ZZEF1: variants seen among roughly 807,000 people sequenced by gnomAD.
ZZEF1 encodes zinc finger ZZ-type and EF-hand domain containing 1, also known as zinc finger ZZ-type and EF-hand domain-containing protein 1.
In ZZEF1, 157 loss-of-function variants were observed where a neutral mutation model predicts 342.8. The ratio of observed to expected loss-of-function variants is 0.46; its 90% CI spans 0.40 to 0.52. The LOEUF (loss-of-function observed/expected upper bound fraction) is 0.52, where lower values mean the gene tolerates loss of function less well. ZZEF1 is among the 20% of genes least tolerant of loss of function. The pLI, the probability that ZZEF1 is intolerant of heterozygous loss-of-function variation, is 0.00. For synonymous variants in ZZEF1, 1,505 were observed against 1,429.1 expected (o/e 1.05, Z -1.20); for missense variants, 3,480 against 3,725.6 (o/e 0.93, Z 1.72).
At chr17:4,035,594 G>A (rs2056642674) in intron 39 of ZZEF1, among the ~76,000 whole-genome samples, 1 of 152,214 alleles carries the variant, frequency 6.6e-6, no homozygotes, top group South Asian at 2.1e-4. Context: ...GGCTCCGAGT[G>A]AGGTGAGGAG....
Position 4,142,924 on chromosome 17 carries a change from G to GCAGCCGCCGCCGCCGCCTCCC in ZZEF1, c.-50_-30dup, listed in dbSNP as rs780599502. The GCAGCCGCCGCCGCCGCCTCCC allele has an allele frequency of 5.9e-5, 77 of 1,304,140 alleles. No homozygotes were observed. In the South Asian group the frequency reaches 1.7e-3, roughly 28 times the overall value. 80.8% of individuals were successfully genotyped at this position (1,304,140 alleles called of 1,614,324 possible). A position where few individuals can be genotyped will look rare whatever the true frequency, so the allele number is the denominator to read the frequency against. Reference sequence around the variant, plus strand: ...GTCTCCGTCTTGGGCGCCTGGCTCTGCAGCCGCCGCCGCCGCCTCCCCGCC... The same window carrying GCAGCCGCCGCCGCCGCCTCCC: ...GTCTCCGTCTTGGGCGCCTGGCTCTGCAGCCGCCGCCGCCGCCTCCCCAGCCGCCGCCGCCGCCTCCCCGCC... On this transcript the variant is annotated 5_prime_UTR_variant, in exon 1 of 55. Coordinates refer to ENST00000381638, the MANE Select transcript of ZZEF1 (RefSeq NM_015113.4).
intron 10 of ZZEF1, among the ~76,000 whole-genome samples, 153 bp downstream of exon 10, chr17:4,096,456 T>A (rs2058034829): frequency 6.6e-6 from 1 of 152,196 alleles, no homozygotes; most frequent in Non-Finnish European, 1.5e-5. Flanking sequence ...AGGGGATGAA[T>A]AGCTCATCCT....
intron 39 of ZZEF1, among the ~76,000 whole-genome samples, chr17:4,042,018 A>T (rs142519391): frequency 9.5e-4 from 144 of 152,304 alleles, no homozygotes; most frequent in Admixed American, 2.5e-3. Context: ...AGGAGAATGT[A>T]CTTTAAGGAG....
intron 32 of ZZEF1, among the ~76,000 whole-genome samples, chr17:4,057,122 C>T (rs2057178149): frequency 6.6e-6 from 1 of 152,200 alleles, no homozygotes; most frequent in Non-Finnish European, 1.5e-5. Context: ...CTCGGTGCCA[C>T]GGGGGCTTGC....
Position 4,017,846 on chromosome 17 carries a change from A to C in ZZEF1, c.7631T>G (p.Leu2544Arg). 1 of 1,614,202 alleles carries C rather than the reference A, an allele frequency of 6.2e-7. No homozygotes were observed. The highest frequency in any genetic ancestry group is 8.5e-7 in the Non-Finnish European group (1 of 1,180,042). ...GGTCGGGTGACATACCAAGCATGGC[A>C]GGATAATCATGTCTGTATCCACAGC... ...AKAVDTDMII[L>R]PCLSRPARCD... The change falls in exon 47 of 55, where the codon CTG becomes CGG. Residue 2544 changes from leucine (L) to arginine (R), a missense_variant. By Grantham distance (102) the Leu-to-Arg change is moderately radical. Transcript: ENST00000381638. The surrounding 1 kb of genome is among the most constrained non-coding windows in gnomAD (Gnocchi z 5.1).
rs1436717839 is a variant in ZZEF1 at position 4,142,851 on chromosome 17, A to C, written c.45T>G (p.Ala15=). 4.4e-5 allele frequency: 61 copies of C among 1,395,262 alleles called. No homozygotes were observed. The highest frequency in any genetic ancestry group is 5.0e-5 in the Non-Finnish European group (54 of 1,083,742). The allele number at this position is 1,395,262 out of a possible 1,614,324, so 86.4% of individuals were successfully genotyped here. A position where few individuals can be genotyped will look rare whatever the true frequency, so the allele number is the denominator to read the frequency against. The part of the protein sequence containing the change: ...PSHSSEDEAA[A]AGGEGWGPHQ... Reference sequence around the variant, plus strand: ...GTGGGCCCCAGCCCTCGCCACCGGCAGCTGCCGCTTCGTCTTCACTGCTGT... The same window carrying C: ...GTGGGCCCCAGCCCTCGCCACCGGCCGCTGCCGCTTCGTCTTCACTGCTGT... The change falls in exon 1 of 55, where the codon GCT becomes GCG. Residue 15 remains alanine, a synonymous_variant. Coordinates refer to ENST00000381638, the MANE Select transcript of ZZEF1 (RefSeq NM_015113.4).
intron 1 of ZZEF1, among the ~76,000 whole-genome samples, chr17:4,126,604 G>A (rs954884430): frequency 2.0e-5 from 3 of 152,180 alleles, no homozygotes; most frequent in Non-Finnish European, 4.4e-5. Flanking sequence ...AGACTTAGGG[G>A]CTGGTAATAA....
Position 4,006,614 on chromosome 17 carries a change from G to A in ZZEF1, c.*276C>T. 2 of 477,470 alleles carry A rather than the reference G, an allele frequency of 4.2e-6. No individual in the cohort carries two copies. The highest frequency in any genetic ancestry group is 7.6e-6 in the Non-Finnish European group (2 of 261,866). The allele number at this position is 477,470 out of a possible 1,614,324, so 29.6% of individuals were successfully genotyped here. On this transcript the variant is annotated 3_prime_UTR_variant, in exon 55 of 55. Coordinates refer to ENST00000381638, the MANE Select transcript of ZZEF1 (RefSeq NM_015113.4). ...GGCTCCTGCAGTGACAGCCTCTGGA[G>A]AAGGCTGGTCTCTGAACCTTCTTAA...
rs745620993 is a variant in ZZEF1, at chr17:4,016,438, C to G, written c.8030G>C (p.Arg2677Pro). Reference sequence around the variant, plus strand: ...GGCCATGGTCCCCAGCATGTCCTCTCGGCAGCCCTGGAGCACTTTCTGCAG... The same window carrying G: ...GGCCATGGTCCCCAGCATGTCCTCTGGGCAGCCCTGGAGCACTTTCTGCAG... ...KILQKVLQGC[R>P]EDMLGTMALA... The change falls in exon 49 of 55, where the codon CGA becomes CCA. Residue 2677 changes from arginine to proline, a missense_variant. Arg to Pro is a moderately radical substitution (Grantham distance 103, BLOSUM62 -2). This residue lies in a region of ZZEF1 where 1,269 missense variants were observed against 1,342.4 expected (regional missense o/e 0.95). Transcript: ENST00000381638. This position sits in a 1 kb window ranked among gnomAD's most constrained non-coding sequence, Gnocchi z 4.4. 6.2e-7 allele frequency: 1 copy of G among 1,613,154 alleles called. No homozygotes were observed.
chr17:4,085,578 G>C lies in ZZEF1; in HGVS notation c.2646+92C>G, dbSNP rs1047692218. 5.7e-5 allele frequency: 86 copies of C among 1,504,732 alleles called. 1 individual carries two copies. In the South Asian group the frequency reaches 7.9e-4, roughly 14 times the overall value. The allele number at this position is 1,504,732 out of a possible 1,614,324, so 93.2% of individuals were successfully genotyped here. A position where few individuals can be genotyped will look rare whatever the true frequency, so the allele number is the denominator to read the frequency against. On this transcript the variant is annotated intron_variant, in intron 16 of 54. Transcript: ENST00000381638. ...AATATTAATACACATCTGGGACGTTGCAACAGACGATATATTCAGAGGTAA... is the reference window on the plus strand; with the variant it reads ...AATATTAATACACATCTGGGACGTTCCAACAGACGATATATTCAGAGGTAA...
intron 1 of ZZEF1, among the ~76,000 whole-genome samples, chr17:4,140,877 A>G (rs1056100776): frequency 2.0e-5 from 3 of 150,686 alleles, no homozygotes; most frequent in South Asian, 2.1e-4. Flanking sequence ...CCTGGGGGGA[A>G]AAAAAAAGGA....
At chr17:4,080,105 C>G (rs2057694310) in intron 18 of ZZEF1, among the ~76,000 whole-genome samples, 2 of 152,098 alleles carry the variant, frequency 1.3e-5, no homozygotes, top group Admixed American at 1.3e-4. Context: ...AGCCCTATCC[C>G]TAGAGATCTT....
intron 52 of ZZEF1, 127 bp from the exon 53 acceptor site, chr17:4,009,884 C>T (rs1005994758): frequency 3.3e-5 from 38 of 1,141,044 alleles, no homozygotes; most frequent in Non-Finnish European, 4.2e-5. Flanking sequence ...ATTATAAAGT[C>T]GCCTCACCTA....
chr17:4,006,800 G>T lies in ZZEF1; in HGVS notation c.*90C>A. 1 of 1,382,544 alleles carries T rather than the reference G, an allele frequency of 7.2e-7. No homozygotes were observed. Among genetic ancestry groups the T allele is most frequent in the Non-Finnish European group, 1.0e-6 (1 of 994,216 alleles). 85.6% of individuals were successfully genotyped at this position (1,382,544 alleles called of 1,614,324 possible). A position where few individuals can be genotyped will look rare whatever the true frequency, so the allele number is the denominator to read the frequency against. On this transcript the variant is annotated 3_prime_UTR_variant, in exon 55 of 55. Coordinates refer to ENST00000381638, the MANE Select transcript of ZZEF1 (RefSeq NM_015113.4). ...TCAGCTCAAGGAGAGCTGGGCACTG[G>T]CGCTACAGGAGTTTTCCTGAATGAG...
At chr17:4,128,216 C>A (rs28374751) in intron 1 of ZZEF1, among the ~76,000 whole-genome samples, 1 of 151,284 alleles carries the variant, frequency 6.6e-6, no homozygotes, top group Admixed American at 6.6e-5. Context: ...GGTGTGGTGG[C>A]GCGTGCATGT....
At chr17:4,122,185 C>T (rs1390433724) in intron 2 of ZZEF1, among the ~76,000 whole-genome samples, 1 of 152,066 alleles carries the variant, frequency 6.6e-6, no homozygotes, top group Non-Finnish European at 1.5e-5. Context: ...ATTATGACAC[C>T]AAGTGCACAG....
intron 35 of ZZEF1, 27 bp from the exon 36 acceptor site, chr17:4,051,070 T>C: frequency 6.2e-7 from 1 of 1,613,888 alleles, no homozygotes; most frequent in South Asian, 1.1e-5. Flanking sequence ...CATTTAAAGC[T>C]TACAACCCTC....
At position 4,024,892 on chromosome 17, in the gene ZZEF1, C is replaced by T. The variant is rs374021301; in HGVS notation, c.7092+27G>A. 2.7e-5 allele frequency: 43 copies of T among 1,609,936 alleles called. No individual in the cohort carries two copies. In the Middle Eastern group the frequency reaches 6.6e-4, roughly 25 times the overall value. On this transcript the variant is annotated intron_variant, in intron 43 of 54. Transcript: ENST00000381638. ...AGATGTCAAATTATAGCCAGATCCA[C>T]TGCCAACTGGAGAAGCTCCCCATTA... is the stretch of plus-strand genomic sequence containing the variant.
intron 33 of ZZEF1, 72 bp downstream of exon 33, chr17:4,056,143 AC>A (rs923831777): frequency 1.3e-5 from 18 of 1,398,406 alleles, no homozygotes; most frequent in South Asian, 7.4e-5. Flanking sequence ...GCCTGCCAGA[AC>A]CCCCCCAGGC....
Sources: allele counts gnomAD v4.1 joint callset (sites outside exome capture counted in the v4.1 genomes callset), GRCh38; gene constraint gnomAD v4.1.1; regional missense constraint gnomAD v4.1.1; non-coding constraint Gnocchi (gnomAD v3.1); transcripts MANE v1.5; gene names NCBI Gene and HGNC (gene_info 2026-07-23, HGNC 2026-07-21).